The following AHNAK variants were observed in gnomAD, a reference collection of about 807,000 sequenced individuals.
AHNAK encodes the protein neuroblast differentiation-associated protein AHNAK.
Under a neutral mutation model 37.8 loss-of-function variants are expected in AHNAK, and 23 were observed. The ratio of observed to expected loss-of-function variants is 0.61; its 90% CI spans 0.44 to 0.86. The LOEUF is 0.86. Ranked by LOEUF, AHNAK falls within the 40% of genes least tolerant of loss-of-function variation. The probability of loss-of-function intolerance (pLI) is 0.00; values close to 1 mark genes in which losing one functional copy is unlikely to be tolerated. For missense variants in AHNAK, 7,411 were observed against 7,319.4 expected (o/e 1.01, Z -0.46); for synonymous variants, 2,481 against 2,636.3 (o/e 0.94, Z 1.80).
chr11:62,437,784 A>G (rs1334377036), intron 5 of AHNAK, among the ~76,000 whole-genome samples: 3 of 152,220 alleles, frequency 2.0e-5, no homozygotes, highest in Non-Finnish European at 4.4e-5. Flanking sequence ...TCCCCACAGC[A>G]ATATGCAATA....
Position 62,521,936 on chromosome 11 carries a change from G to C in AHNAK, c.12481C>G (p.Pro4161Ala). The C allele has an allele frequency of 1.2e-6, 2 of 1,613,098 alleles. No homozygotes were observed. The highest frequency in any genetic ancestry group is 1.7e-6 in the Non-Finnish European group (2 of 1,179,796). Residue 4161 changes from proline to alanine, a missense_variant, in exon 5 of 5, where the codon CCT becomes GCT. Transcript: ENST00000378024. ...LPKVEGDLKG[P>A]EVDIKGPKVD... Reference sequence around the variant, plus strand: ...TTGGGGCCCTTGATGTCAACTTCAGGGCCCTTGAGGTCGCCTTCCACTTTG... The same window carrying C: ...TTGGGGCCCTTGATGTCAACTTCAGCGCCCTTGAGGTCGCCTTCCACTTTG...
intron 4 of AHNAK, among the ~76,000 whole-genome samples, chr11:62,501,818 G>A (rs1038902304): frequency 6.6e-6 from 1 of 152,184 alleles, no homozygotes; most frequent in Non-Finnish European, 1.5e-5. Flanking sequence ...GGCAGGCAGG[G>A]GGCATGGGGC....
In AHNAK at chr11:62,483,280, C is replaced by G. The variant is rs375411346; in HGVS notation, c.442+8452G>C. ...AATCAGTTCAGAGCTCAGGATGATA[C>G]GGGAGTCGGGGGCCACTCAGCCTTT... On this transcript the variant is annotated intron_variant, in intron 5 of 5. Transcript: ENST00000257247. Among the ~76,000 whole-genome samples, 4 of 152,206 alleles carry G rather than the reference C, an allele frequency of 2.6e-5. No individual in the cohort carries two copies. In the East Asian group the frequency reaches 5.8e-4, roughly 22 times the overall value.
chr11:62,449,922 GT>G (rs778390638), intron 5 of AHNAK, among the ~76,000 whole-genome samples: 24 of 152,060 alleles, frequency 1.6e-4, no homozygotes, highest in Non-Finnish European at 3.1e-4. Context: ...TAAAACAAAA[GT>G]CAACTCGTGT....
chr11:62,508,697 C>T (rs939621695), intron 4 of AHNAK, among the ~76,000 whole-genome samples: 4 of 152,392 alleles, frequency 2.6e-5, no homozygotes, highest in South Asian at 4.1e-4. Context: ...CCTTAGGAAG[C>T]ACCAGCGGCT....
chr11:62,525,329 A>G lies in AHNAK; in HGVS notation c.9088T>C (p.Phe3030Leu), dbSNP rs1940435237. 2 of 1,608,782 alleles carry G rather than the reference A, an allele frequency of 1.2e-6. No individual in the cohort carries two copies. The highest frequency in any genetic ancestry group is 2.2e-5 in the East Asian group (1 of 44,488). ...TCTCCTTTGAAGCCAGGCATGCTGA[A>G]TTTGGGCATTTTCACTTTGGGCATT... is the stretch of plus-strand genomic sequence containing the variant. ...LKMPKVKMPK[F>L]SMPGFKGEGP... Residue 3030 changes from phenylalanine (F) to leucine (L), a missense_variant, in exon 5 of 5, where the codon TTC (phenylalanine) becomes CTC (leucine). Transcript: ENST00000378024.
At chr11:62,539,435 C>T (rs530335323) in intron 1 of AHNAK, among the ~76,000 whole-genome samples, 1 of 151,858 alleles carries the variant, frequency 6.6e-6, no homozygotes, top group South Asian at 2.1e-4. Flanking sequence ...GCCCACACCT[C>T]GGCCCCACCC....
Position 62,532,693 on chromosome 11 carries a change from T to C in AHNAK, c.1724A>G (p.Asp575Gly), listed in dbSNP as rs1940801891. ...CACTTTAGGTGCGGCCACATTTAAG[T>C]CTACTTCTGACATAGAGATCCTACA... ...GTCRISMSEV[D>G]LNVAAPKVKG... Residue 575 changes from aspartate to glycine, a missense_variant, in exon 5 of 5, where the codon GAC (aspartate) becomes GGC (glycine). Asp to Gly is a moderately conservative substitution (Grantham distance 94). Coordinates refer to ENST00000378024, the MANE Select transcript of AHNAK (RefSeq NM_001620.3). 16 of 1,613,844 alleles carry C rather than the reference T, an allele frequency of 9.9e-6. No homozygotes were observed. Among genetic ancestry groups the C allele is most frequent in the Middle Eastern group, 1.6e-4 (1 of 6,084 alleles).
chr11:62,483,513 T>C (rs1590620322), intron 5 of AHNAK, among the ~76,000 whole-genome samples: 1 of 150,892 alleles, frequency 6.6e-6, no homozygotes, highest in Non-Finnish European at 1.5e-5. Flanking sequence ...GATCACGAGG[T>C]CAGGAGATCG....
At chr11:62,536,789 C>G (rs1590687613) in intron 1 of AHNAK, among the ~76,000 whole-genome samples, 1 of 152,256 alleles carries the variant, frequency 6.6e-6, no homozygotes, top group East Asian at 1.9e-4. Context: ...CTGCCTCCTT[C>G]TAGCTGTGGG....
chr11:62,487,327 A>G, intron 5 of AHNAK, among the ~76,000 whole-genome samples: 1 of 152,260 alleles, frequency 6.6e-6, no homozygotes, highest in Non-Finnish European at 1.5e-5. Flanking sequence ...AACGTAGAGT[A>G]GCAAAGACAG....
At chr11:62,500,013 A>T (rs1939684839) in intron 4 of AHNAK, among the ~76,000 whole-genome samples, 1 of 152,210 alleles carries the variant, frequency 6.6e-6, no homozygotes, top group Non-Finnish European at 1.5e-5. Flanking sequence ...CCCCCACACC[A>T]GACTACCTGG....
At chr11:62,509,002 C>T (rs1355793970) in intron 4 of AHNAK, among the ~76,000 whole-genome samples, 3 of 152,130 alleles carry the variant, frequency 2.0e-5, no homozygotes, top group South Asian at 2.1e-4. Context: ...GTCATGGCAA[C>T]GTTACAATGG....
At position 62,450,960 on chromosome 11, in the gene AHNAK, C is replaced by T. The variant is rs186425397; in HGVS notation, c.443-17069G>A. ...GTGGCTCACGCCTGTAATCGCGGCA[C>T]TTTGGGAGGCCAAGGCGGGAGGAGA... On this transcript the variant is annotated intron_variant, in intron 5 of 5. Coordinates refer to the AHNAK transcript ENST00000257247. Among the ~76,000 whole-genome samples the T allele has an allele frequency of 1.8e-3, 249 of 141,942 alleles. 1 individual carries two copies. Among genetic ancestry groups the T allele is most frequent in the Non-Finnish European group, 2.9e-3 (174 of 60,758 alleles). 93.1% of individuals were successfully genotyped at this position (141,942 alleles called of 152,430 possible).
At chr11:62,506,201 C>A (rs1939809374) in intron 4 of AHNAK, among the ~76,000 whole-genome samples, 2 of 150,932 alleles carry the variant, frequency 1.3e-5, no homozygotes, top group Admixed American at 1.3e-4. Context: ...AGAGCGAGAC[C>A]CTGTCTAAAA....
chr11:62,446,740 A>G (rs2134792469), intron 5 of AHNAK, among the ~76,000 whole-genome samples: 1 of 151,872 alleles, frequency 6.6e-6, no homozygotes, highest in African/African-American at 2.4e-5. Flanking sequence ...ATCCAGTGAC[A>G]ACCACCACCT....
At chr11:62,483,445 G>A (rs1565209598) in intron 5 of AHNAK, among the ~76,000 whole-genome samples, 1 of 152,232 alleles carries the variant, frequency 6.6e-6, no homozygotes, top group African/African-American at 2.4e-5. Context: ...AGAAAGGGCG[G>A]GCCGGGCGCG....
intron 5 of AHNAK, chr11:62,491,607 G>A (rs1419744620): frequency 3.6e-6 from 3 of 824,664 alleles, no homozygotes; most frequent in African/African-American, 3.5e-5. Context: ...TGGGCTCCTG[G>A]GGTCCTGAGC....
intron 5 of AHNAK, among the ~76,000 whole-genome samples, chr11:62,457,580 G>T (rs955684927): frequency 2.6e-5 from 4 of 152,098 alleles, no homozygotes; most frequent in Non-Finnish European, 5.9e-5. Flanking sequence ...AGTGAGCCAA[G>T]ATCAAGCCAC....
Sources: allele counts gnomAD v4.1 joint callset (sites outside exome capture counted in the v4.1 genomes callset), GRCh38; gene constraint gnomAD v4.1.1; transcripts MANE v1.5; gene names NCBI Gene and HGNC (gene_info 2026-07-23, HGNC 2026-07-21).